The following ASMTL variants were observed in gnomAD, a reference collection of about 807,000 sequenced individuals.
ASMTL encodes acetylserotonin O-methyltransferase like.
Under a neutral mutation model 60.3 loss-of-function variants are expected in ASMTL, and 57 were observed. The ratio of observed to expected loss-of-function variants is 0.95; its 90% CI spans 0.76 to 1.18. ASMTL has a LOEUF of 1.18. ASMTL is among the 50% of genes most tolerant of loss of function. ASMTL has a pLI of 0.00. For synonymous variants in ASMTL, 419 were observed against 373.0 expected (o/e 1.12, Z -1.42); for missense variants, 981 against 852.6 (o/e 1.15, Z -1.88).
chrX:1,403,714 A>G (rs1291930953), intron 12 of ASMTL: 5 of 600,326 alleles, frequency 8.3e-6, no homozygotes, highest in Non-Finnish European at 1.5e-5. Context: ...GGATGGATAG[A>G]TGGATGCATC....
chrX:1,421,561 G>C (rs1347303599), intron 9 of ASMTL, 97 bp downstream of exon 9: 2 of 1,327,238 alleles, frequency 1.5e-6, no homozygotes, highest in Non-Finnish European at 2.1e-6. Flanking sequence ...TGTCAGACTG[G>C]AGACAGACTG....
chrX:1,405,359 A>G (rs1277321650), intron 12 of ASMTL, among the ~76,000 whole-genome samples: 1 of 150,386 alleles, frequency 6.6e-6, no homozygotes, highest in Admixed American at 6.6e-5. Flanking sequence ...GGAGGCATGG[A>G]TGAGATGGAT....
At chrX:1,435,535 C>G in intron 4 of ASMTL, 159 bp downstream of exon 4, 1 of 693,348 alleles carries the variant, frequency 1.4e-6, no homozygotes, top group East Asian at 2.7e-5. Flanking sequence ...GGGATAGTGC[C>G]TGCCTCCCTG....
chrX:1,430,924 T>C (rs1221030604), intron 6 of ASMTL, among the ~76,000 whole-genome samples: 1 of 136,320 alleles, frequency 7.3e-6, no homozygotes. Flanking sequence ...CATAATACAT[T>C]ATATATTATA....
At chrX:1,443,474 T>G (rs752844021) in intron 1 of ASMTL, among the ~76,000 whole-genome samples, 32 of 151,348 alleles carry the variant, frequency 2.1e-4, no homozygotes, top group Non-Finnish European at 4.1e-4. Context: ...ACCACCATCG[T>G]GGACACATGC....
rs1172095391 is a variant in ASMTL, at chrX:1,419,123, C to G, written c.1246-9G>C. 1 of 1,610,714 alleles carries G rather than the reference C, an allele frequency of 6.2e-7. No individual in the cohort carries two copies. Among genetic ancestry groups the G allele is most frequent in the Non-Finnish European group, 8.5e-7 (1 of 1,179,318 alleles). On this transcript the variant is annotated splice_polypyrimidine_tract_variant and intron_variant, in intron 9 of 12. Transcript: ENST00000381317. ...CTCTGGTAGTACGCATCCTGGAACA[C>G]AGCAGGTGCTTAGGGGCACCAGAGA...
chrX:1,404,083 T>C (rs2089699118), intron 12 of ASMTL, among the ~76,000 whole-genome samples: 1 of 148,690 alleles, frequency 6.7e-6, no homozygotes, highest in Non-Finnish European at 1.5e-5. Context: ...AGATGGTACA[T>C]GATGGGTAGG....
At chrX:1,445,560 A>G (rs1228597111) in intron 1 of ASMTL, among the ~76,000 whole-genome samples, 1 of 152,138 alleles carries the variant, frequency 6.6e-6, no homozygotes, top group Middle Eastern at 3.2e-3. Flanking sequence ...GAGGTTCCCT[A>G]TACTCAGGCT....
At chrX:1,413,572 A>G (rs575603792) in intron 11 of ASMTL, among the ~76,000 whole-genome samples, 2 of 152,368 alleles carry the variant, frequency 1.3e-5, no homozygotes, top group South Asian at 4.1e-4. Context: ...TGAAATAAAA[A>G]GATGGTCTGC....
intron 5 of ASMTL, 132 bp from the exon 6 acceptor site, chrX:1,432,509 G>C: frequency 5.7e-6 from 4 of 707,562 alleles, no homozygotes; most frequent in Non-Finnish European, 1.0e-5. Context: ...TGCTTCATGG[G>C]AGAATAAGGT....
At position 1,421,343 on chromosome X, in the gene ASMTL, C is replaced by T. The variant is rs752908368; in HGVS notation, c.1245+315G>A. On this transcript the variant is annotated intron_variant, in intron 9 of 12. Coordinates refer to ENST00000381317, the MANE Select transcript of ASMTL (RefSeq NM_004192.4). ...TCTCAAACTCCCGGGCTCAAATCAT[C>T]CTCCCAACTTGGCCTCCCAAAGTGC... Among the ~76,000 whole-genome samples the T allele has an allele frequency of 7.2e-5, 11 of 152,258 alleles. No individual in the cohort carries two copies. The East Asian group carries it at 2.1e-3, about 29-fold the overall frequency.
At chrX:1,452,964 C>T, upstream of ASMTL, 1 of 729,896 alleles carries the variant, frequency 1.4e-6, no homozygotes. Flanking sequence ...CCCCGCCCGC[C>T]TCCGCGAGGC....
intron 5 of ASMTL, 46 bp downstream of exon 5, chrX:1,434,976 C>T: frequency 1.2e-5 from 20 of 1,609,454 alleles, no homozygotes; most frequent in Non-Finnish European, 1.7e-5. Flanking sequence ...GTCCCGGGTC[C>T]TTGTCTCGGC....
intron 1 of ASMTL, among the ~76,000 whole-genome samples, chrX:1,445,020 C>T (rs118113199): frequency 0.028 from 4,250 of 152,206 alleles, 188 homozygotes; most frequent in African/African-American, 0.097. Context: ...TCTGTCTTCC[C>T]TGCGCGGCTC....
At chrX:1,418,808 G>C in intron 10 of ASMTL, 174 bp downstream of exon 10, 1 of 324,162 alleles carries the variant, frequency 3.1e-6, no homozygotes, top group Non-Finnish European at 4.4e-6. Context: ...CATCCCCGGG[G>C]TCCTCCTGGA....
At chrX:1,417,784 G>A (rs1222846842) in intron 11 of ASMTL, 189 bp downstream of exon 11, 2 of 204,772 alleles carry the variant, frequency 9.8e-6, no homozygotes, top group African/African-American at 3.3e-5. Context: ...ATGCTCCAGG[G>A]CATACCACAC....
rs772504755 is a variant in ASMTL, at chrX:1,416,110, CCAA to C, written c.1522+1860_1522+1862del. 3.6e-3 allele frequency among the ~76,000 whole-genome samples: 543 copies of C among 149,400 alleles called. 8 individuals are homozygous for C. The highest frequency in any genetic ancestry group is 0.013 in the African/African-American group (523 of 39,406). ...TCACGCACGGACACACAGTGATACA[CCAA>C]CAGGCACACACAGACGCAGACATGC... On this transcript the variant is annotated intron_variant, in intron 11 of 12. Coordinates refer to ENST00000381317, the MANE Select transcript of ASMTL (RefSeq NM_004192.4).
chrX:1,442,693 T>TG (rs1209672821), intron 1 of ASMTL, among the ~76,000 whole-genome samples: 1 of 152,064 alleles, frequency 6.6e-6, no homozygotes, highest in Non-Finnish European at 1.5e-5. Context: ...ACCTGAAGGT[T>TG]GGGGCAGAGT....
At chrX:1,435,417 G>A in intron 4 of ASMTL, 3 of 606,930 alleles carry the variant, frequency 4.9e-6, no homozygotes, top group South Asian at 4.0e-5. Flanking sequence ...AGGATGCCCA[G>A]TGGGAAGGAC....
Sources: gnomAD v4.1 joint callset for allele counts (sites outside exome capture counted in the v4.1 genomes callset) on GRCh38, gnomAD v4.1.1 for gene constraint, MANE v1.5 for transcripts, NCBI Gene and HGNC (gene_info 2026-07-23, HGNC 2026-07-21) for gene names.